The following GALNT16 variants were observed in gnomAD, a reference collection of about 807,000 sequenced individuals.
GALNT16 encodes UDP-GalNAc:polypeptide N-acetylgalactosaminyltransferase-like protein 1.
In GALNT16, 40 loss-of-function variants were observed where a neutral mutation model predicts 76.1. The ratio of observed to expected loss-of-function variants is 0.53; its 90% CI spans 0.41 to 0.68. The LOEUF (loss-of-function observed/expected upper bound fraction) is 0.68, where lower values mean the gene tolerates loss of function less well. Ranked by LOEUF, GALNT16 falls within the 30% of genes least tolerant of loss-of-function variation. GALNT16 has a pLI of 0.00. For missense variants in GALNT16, 621 were observed against 731.9 expected (o/e 0.85, Z 1.75); for synonymous variants, 276 against 285.2 (o/e 0.97, Z 0.32).
chr14:69,308,010 C>T (rs2044962391), intron 1 of GALNT16, among the ~76,000 whole-genome samples: 1 of 152,176 alleles, frequency 6.6e-6, no homozygotes, highest in African/African-American at 2.4e-5. Flanking sequence ...AAGCACCTCC[C>T]ACCCCGACTC....
chr14:69,335,849 C>T lies in GALNT16; in HGVS notation c.967+2249C>T, dbSNP rs2045409060. ...TCTTTTGTCCCCAAAGAATTCCAAA[C>T]TCGGGAGCCCAGAGGCCACCTTGAG... On this transcript the variant is annotated intron_variant, in intron 9 of 14. Transcript: ENST00000448469. Among the ~76,000 whole-genome samples the T allele has an allele frequency of 4.6e-5, 7 of 152,268 alleles. No homozygotes were observed. In the South Asian group the frequency reaches 1.5e-3, roughly 32 times the overall value.
chr14:69,327,197 G>A (rs1205043305), intron 5 of GALNT16, among the ~76,000 whole-genome samples: 7 of 152,086 alleles, frequency 4.6e-5, no homozygotes, highest in East Asian at 1.9e-4. Context: ...CTAAAAATAC[G>A]AAAATATCTG....
intron 14 of GALNT16, chr14:69,351,757 T>G: frequency 3.4e-6 from 1 of 291,926 alleles, no homozygotes; most frequent in South Asian, 5.5e-5. Context: ...TGCAAAAAAT[T>G]TAAAAATTAG....
intron 1 of GALNT16, among the ~76,000 whole-genome samples, chr14:69,287,587 T>C (rs1194372464): frequency 6.6e-6 from 1 of 152,196 alleles, no homozygotes; most frequent in Non-Finnish European, 1.5e-5. Context: ...TCTCTGGATG[T>C]TTTGTCTCCC....
chr14:69,324,858 TG>T, intron 3 of GALNT16, 68 bp downstream of exon 3: 1 of 1,024,918 alleles, frequency 9.8e-7, no homozygotes, highest in Non-Finnish European at 1.4e-6. Context: ...TTGGGCGCTG[TG>T]GCCAGACAGC....
At chr14:69,292,056 C>T (rs569669116) in intron 1 of GALNT16, among the ~76,000 whole-genome samples, 1 of 152,314 alleles carries the variant, frequency 6.6e-6, no homozygotes, top group Admixed American at 6.5e-5. Flanking sequence ...GAAAGGGGAC[C>T]TGTGGATGGC....
chr14:69,347,794 G>T, intron 13 of GALNT16, 83 bp from the exon 14 acceptor site: 1 of 1,446,716 alleles, frequency 6.9e-7, no homozygotes, highest in Non-Finnish European at 9.5e-7. Flanking sequence ...AATATGCCGT[G>T]TTTTTGCTTT....
chr14:69,379,349 A>G, the GALNT16 span, among the ~76,000 whole-genome samples: 4 of 152,346 alleles, frequency 2.6e-5, no homozygotes, highest in South Asian at 8.3e-4. Context: ...CAGTGATAAC[A>G]TTTCATTAAC....
At chr14:69,278,618 C>T (rs1362492942) in intron 1 of GALNT16, among the ~76,000 whole-genome samples, 1 of 152,116 alleles carries the variant, frequency 6.6e-6, no homozygotes, top group African/African-American at 2.4e-5. Context: ...ACTATATAAT[C>T]ACAGTTCATA....
the GALNT16 span, among the ~76,000 whole-genome samples, chr14:69,386,229 C>T: frequency 5.3e-5 from 8 of 152,178 alleles, no homozygotes; most frequent in Non-Finnish European, 1.0e-4. Context: ...ATGATTGGCT[C>T]CAGTGGTGAT....
chr14:69,271,289 C>T (rs531705002), intron 1 of GALNT16, among the ~76,000 whole-genome samples: 2 of 152,250 alleles, frequency 1.3e-5, no homozygotes, highest in African/African-American at 2.4e-5. Flanking sequence ...GGACTCACAG[C>T]GGGGTGAGGA....
chr14:69,271,492 G>A (rs991310461), intron 1 of GALNT16, among the ~76,000 whole-genome samples: 27 of 152,228 alleles, frequency 1.8e-4, no homozygotes, highest in African/African-American at 6.3e-4. Context: ...TGAGTCACAG[G>A]AGCTCTGATG....
chr14:69,293,008 A>G (rs1370701512), intron 1 of GALNT16, among the ~76,000 whole-genome samples: 2 of 152,250 alleles, frequency 1.3e-5, no homozygotes, highest in African/African-American at 4.8e-5. Context: ...TAATCCCTCA[A>G]TATGTGCCAT....
intron 1 of GALNT16, among the ~76,000 whole-genome samples, chr14:69,289,354 A>T (rs1406024460): frequency 6.6e-6 from 1 of 152,074 alleles, no homozygotes; most frequent in Admixed American, 6.5e-5. Flanking sequence ...AACTGAAGTC[A>T]TCAGGGAATG....
intron 10 of GALNT16, among the ~76,000 whole-genome samples, chr14:69,338,990 A>T (rs1393434929): frequency 6.6e-6 from 1 of 151,840 alleles, no homozygotes; most frequent in Non-Finnish European, 1.5e-5. Flanking sequence ...TGAGACTCAT[A>T]TGGACTTCCT....
chr14:69,284,889 T>C (rs6573879), intron 1 of GALNT16, among the ~76,000 whole-genome samples: 152,183 of 152,192 alleles, frequency 1, 76,087 homozygotes, highest in Middle Eastern at 1. Context: ...TAACCCCCTT[T>C]GCTCGGCCCT....
chr14:69,265,566 C>T (rs1162372595), intron 1 of GALNT16, among the ~76,000 whole-genome samples: 1 of 152,200 alleles, frequency 6.6e-6, no homozygotes, highest in African/African-American at 2.4e-5. Flanking sequence ...AGAGGGGAGC[C>T]TATAGCCAAG....
At chr14:69,380,514 A>ACC in the GALNT16 span, 1 of 1,219,016 alleles carries the variant, frequency 8.2e-7, no homozygotes, top group Non-Finnish European at 1.2e-6. Flanking sequence ...GCCCACCCCA[A>ACC]CCCCCCCAGT....
chr14:69,340,995 C>T (rs2140190990), intron 11 of GALNT16, among the ~76,000 whole-genome samples: 1 of 152,158 alleles, frequency 6.6e-6, no homozygotes, highest in East Asian at 1.9e-4. Context: ...ATCTATCTCC[C>T]TTTTTTTGAA....
Sources: gnomAD v4.1 joint callset for allele counts (sites outside exome capture counted in the v4.1 genomes callset) on GRCh38, gnomAD v4.1.1 for gene constraint, MANE v1.5 for transcripts, NCBI Gene and HGNC (gene_info 2026-07-23, HGNC 2026-07-21) for gene names.